SCAF4: variants seen among roughly 807,000 people sequenced by gnomAD.
The protein encoded by SCAF4 is SR-related and CTD-associated factor 4.
Under a neutral mutation model 129.8 loss-of-function variants are expected in SCAF4, and 25 were observed. The observed-to-expected ratio is 0.19, with a 90% CI of 0.14 to 0.27. The LOEUF (loss-of-function observed/expected upper bound fraction) is 0.27, where lower values mean the gene tolerates loss of function less well. SCAF4 is among the 10% of genes least tolerant of loss of function. The pLI is 1.00. For synonymous variants in SCAF4, 551 were observed against 497.7 expected (o/e 1.11, Z -1.43); for missense variants, 1,246 against 1,457.1 (o/e 0.86, Z 2.36).
In SCAF4 at chr21:31,671,582, T is replaced by C. The variant is rs374026931; in HGVS notation, c.3261A>G (p.Ala1087=). ...GAGGTTCAACGGTTTTGTTACCACC[T>C]GCCCTGTCTGTCACCTCAGGCTTTT... ...GKEKPEVTDR[A]GGNKTVEPPI... Residue 1087 remains alanine (A), a synonymous_variant, in exon 20 of 20, where the codon GCA becomes GCG. Transcript: ENST00000286835. 2 of 1,614,224 alleles carry C rather than the reference T, an allele frequency of 1.2e-6. No individual in the cohort carries two copies. The highest frequency in any genetic ancestry group is 1.7e-6 in the Non-Finnish European group (2 of 1,180,016).
At chr21:31,694,113 A>C (rs1476602480) in intron 11 of SCAF4, 91 bp downstream of exon 11, 1 of 700,730 alleles carries the variant, frequency 1.4e-6, no homozygotes, top group East Asian at 2.6e-5. Context: ...TTTTACTAAC[A>C]TTCTGAATAT....
chr21:31,714,987 G>C (rs771246047), intron 1 of SCAF4, among the ~76,000 whole-genome samples: 1 of 152,174 alleles, frequency 6.6e-6, no homozygotes. Context: ...GACAGGGTCC[G>C]GACGTAGTCC....
At chr21:31,701,696 TATTA>T (rs2050536054) in intron 6 of SCAF4, 76 bp downstream of exon 6, 2 of 1,430,530 alleles carry the variant, frequency 1.4e-6, no homozygotes, top group South Asian at 2.8e-5. Context: ...TCAATGTGCT[TATTA>T]ATGAAGAATA....
chr21:31,692,217 C>T, intron 13 of SCAF4, 132 bp downstream of exon 13: 1 of 650,572 alleles, frequency 1.5e-6, no homozygotes, highest in East Asian at 2.7e-5. Context: ...TAAACGTGGA[C>T]TCTGAACACC....
chr21:31,674,665 G>A (rs2049804350), intron 19 of SCAF4, among the ~76,000 whole-genome samples: 1 of 152,168 alleles, frequency 6.6e-6, no homozygotes, highest in Admixed American at 6.5e-5. Context: ...TAGGAAAGCT[G>A]GCATTAGGCA....
intron 1 of SCAF4, among the ~76,000 whole-genome samples, chr21:31,725,949 TAATA>T (rs760031073): frequency 6.6e-6 from 1 of 152,110 alleles, no homozygotes; most frequent in Non-Finnish European, 1.5e-5. Flanking sequence ...TTTAGTAAAT[TAATA>T]AACACTTGCA....
chr21:31,696,948 CAG>C (rs1207646150), intron 7 of SCAF4, among the ~76,000 whole-genome samples, 198 bp from the exon 8 acceptor site: 2 of 152,122 alleles, frequency 1.3e-5, no homozygotes, highest in African/African-American at 4.8e-5. Flanking sequence ...GGAAAACACA[CAG>C]TGTTTTCATT....
rs11408552 is a variant in SCAF4 at position 31,712,222 on chromosome 21, C to CTTTTTTTTTTTTTT, written c.31-5879_31-5866dup. Among the ~76,000 whole-genome samples the CTTTTTTTTTTTTTT allele has an allele frequency of 2.3e-3, 312 of 135,356 alleles. 3 individuals carry two copies. The highest frequency in any genetic ancestry group is 8.3e-3 in the African/African-American group (295 of 35,736). 88.8% of individuals were successfully genotyped at this position (135,356 alleles called of 152,430 possible). A position where few individuals can be genotyped will look rare whatever the true frequency, so the allele number is the denominator to read the frequency against. ...GTTTGATTCTCCCATTTGTTTGTTG[C>CTTTTTTTTTTTTTT]TTTTTTTTTTTTTTTGAGACAGTCT... On this transcript the variant is annotated intron_variant, in intron 1 of 19. Transcript: ENST00000286835.
chr21:31,690,534 T>C (rs184820172), intron 15 of SCAF4, among the ~76,000 whole-genome samples: 57 of 152,322 alleles, frequency 3.7e-4, no homozygotes, highest in African/African-American at 1.3e-3. Flanking sequence ...AAGACCTATA[T>C]GATTTATTAA....
At chr21:31,708,450 G>C (rs1458656347) in intron 1 of SCAF4, among the ~76,000 whole-genome samples, 1 of 151,082 alleles carries the variant, frequency 6.6e-6, no homozygotes, top group Admixed American at 6.6e-5. Flanking sequence ...AAACCAGTAA[G>C]AAACAATTTA....
chr21:31,697,592 CA>C (rs1361220087), intron 7 of SCAF4, among the ~76,000 whole-genome samples: 2 of 152,212 alleles, frequency 1.3e-5, no homozygotes, highest in African/African-American at 4.8e-5. Context: ...TCAAAGCCCT[CA>C]GTCTCTGGCT....
Position 31,672,021 on chromosome 21 carries a change from T to C in SCAF4, c.2822A>G (p.Gln941Arg). ...PGGPEDRDGR[Q>R]QPPQQPQQQP... ...CTGCTGTGGCTGCTGCGGCGGCTGT[T>C]GCCTTCCGTCTCTGTCTTCAGGACC... Residue 941 changes from glutamine to arginine, a missense_variant, in exon 20 of 20, where the codon CAA (glutamine) becomes CGA (arginine). Physicochemically the swap from Gln to Arg is conservative, Grantham distance 43. Around this residue, in one of 6 missense-constraint regions of SCAF4, gnomAD observed 339 missense variants for 325.0 expected, o/e 1.04. Coordinates refer to ENST00000286835, the MANE Select transcript of SCAF4 (RefSeq NM_020706.2). The C allele has an allele frequency of 2.5e-6, 4 of 1,613,258 alleles. No individual in the cohort carries two copies. Among genetic ancestry groups the C allele is most frequent in the Non-Finnish European group, 3.4e-6 (4 of 1,179,610 alleles).
intron 19 of SCAF4, among the ~76,000 whole-genome samples, 184 bp from the exon 20 acceptor site, chr21:31,672,538 C>G (rs1189394462): frequency 6.6e-6 from 1 of 152,154 alleles, no homozygotes; most frequent in Non-Finnish European, 1.5e-5. Context: ...ATTGCAAAGA[C>G]ATTTTTAAAG....
intron 13 of SCAF4, 85 bp from the exon 14 acceptor site, chr21:31,692,015 C>T: frequency 1.5e-6 from 1 of 688,388 alleles, no homozygotes. Flanking sequence ...TTCCAACAAT[C>T]CCATCCCTCA....
chr21:31,731,514 A>G, intron 1 of SCAF4, 149 bp downstream of exon 1: 3 of 889,684 alleles, frequency 3.4e-6, no homozygotes, highest in Non-Finnish European at 5.0e-6. Context: ...CCCGGGCCAC[A>G]GGCCCCGCTC....
chr21:31,695,113 A>G, intron 9 of SCAF4, 133 bp from the exon 10 acceptor site: 1 of 709,714 alleles, frequency 1.4e-6, no homozygotes, highest in Non-Finnish European at 2.3e-6. Context: ...ACATTGTTTA[A>G]CAATTTCCAT....
chr21:31,686,490 C>T (rs941543447), intron 16 of SCAF4, among the ~76,000 whole-genome samples: 2 of 152,292 alleles, frequency 1.3e-5, no homozygotes, highest in African/African-American at 2.4e-5. Context: ...TATTTAAATT[C>T]TCTAAAACGG....
intron 15 of SCAF4, among the ~76,000 whole-genome samples, chr21:31,689,551 C>G (rs1260345074): frequency 6.7e-6 from 1 of 149,832 alleles, no homozygotes; most frequent in African/African-American, 2.5e-5. Flanking sequence ...CTCAAGTGAC[C>G]TGCCTGCCTC....
chr21:31,708,720 C>T (rs1173137133), intron 1 of SCAF4, among the ~76,000 whole-genome samples: 3 of 152,138 alleles, frequency 2.0e-5, no homozygotes, highest in Admixed American at 6.5e-5. Context: ...ATGCAAAAAT[C>T]CTGAAGAAAC....
Sources: gnomAD v4.1 joint callset for allele counts (sites outside exome capture counted in the v4.1 genomes callset) on GRCh38, gnomAD v4.1.1 for gene constraint, gnomAD v4.1.1 regional missense constraint, MANE v1.5 for transcripts, NCBI Gene and HGNC (gene_info 2026-07-23, HGNC 2026-07-21) for gene names.